ACSS2: variants seen among roughly 807,000 people sequenced by gnomAD.
ACSS2 encodes acyl-CoA synthetase short chain family member 2, also known as acetyl-coenzyme A synthetase, cytoplasmic.
ACSS2 carries 58 observed loss-of-function variants against 90.6 expected under a neutral mutation model. The ratio of observed to expected loss-of-function variants is 0.64; its 90% CI spans 0.52 to 0.80. The LOEUF (loss-of-function observed/expected upper bound fraction) is 0.80. ACSS2 is among the 30% of genes least tolerant of loss of function. The pLI is 0.00. For missense variants in ACSS2, 759 were observed against 912.0 expected, an observed-to-expected ratio of 0.83 and a Z score of 2.16; for synonymous variants, 300 against 330.9, an observed-to-expected ratio of 0.91 and a Z score of 1.01.
At chr20:34,915,203 C>T in intron 7 of ACSS2, 1 of 1,613,950 alleles carries the variant, frequency 6.2e-7, no homozygotes. Flanking sequence ...CCTTTTCATC[C>T]TGGGCTCTTA....
intron 2 of ACSS2, among the ~76,000 whole-genome samples, chr20:34,903,188 A>G (rs373157944): frequency 2.0e-4 from 31 of 152,176 alleles, no homozygotes; most frequent in African/African-American, 7.5e-4. Flanking sequence ...CTAAAAATAC[A>G]AAAATTAGCC....
chr20:34,920,955 A>C (rs760701797), intron 9 of ACSS2, 51 bp from the exon 10 acceptor site: 1 of 1,610,398 alleles, frequency 6.2e-7, no homozygotes, highest in Admixed American at 1.7e-5. Flanking sequence ...TAGGGGGATG[A>C]ATAGAAGGAC....
chr20:34,904,971 A>G (rs1462548102), intron 2 of ACSS2, among the ~76,000 whole-genome samples: 1 of 134,724 alleles, frequency 7.4e-6, no homozygotes, highest in Non-Finnish European at 1.5e-5. Context: ...AGGCTAGAGT[A>G]TAGTAGCATC....
At position 34,913,957 on chromosome 20, in the gene ACSS2, C is replaced by A. The variant is rs147237905; in HGVS notation, c.643+132C>A. On this transcript the variant is annotated intron_variant, in intron 5 of 17. Coordinates refer to ENST00000360596, the MANE Select transcript of ACSS2 (RefSeq NM_018677.4). The stretch of plus-strand genomic sequence containing the variant: ...CCTGCCTTTTCTCTCCTGGTCCCAC[C>A]TCAGCTGACCCTCTGTCAGCTCGAA... 1.2e-5 allele frequency: 16 copies of A among 1,350,684 alleles called. No homozygotes were observed. The African/African-American group carries it at 2.0e-4, about 17-fold the overall frequency. 83.7% of individuals were successfully genotyped at this position (1,350,684 alleles called of 1,614,324 possible).
At chr20:34,882,449 C>T (rs2080090119) in intron 1 of ACSS2, among the ~76,000 whole-genome samples, 1 of 151,934 alleles carries the variant, frequency 6.6e-6, no homozygotes, top group East Asian at 1.9e-4. Flanking sequence ...TAGTGAAACC[C>T]CGTCTCTACT....
intron 1 of ACSS2, among the ~76,000 whole-genome samples, chr20:34,877,923 G>GATAGATAGATAA (rs1397997767): frequency 6.7e-6 from 1 of 150,326 alleles, no homozygotes; most frequent in Non-Finnish European, 1.5e-5. Context: ...TAGATAGATA[G>GATAGATAGATAA]ATAGATAGAT....
chr20:34,892,618 G>A (rs1328750404), intron 2 of ACSS2, among the ~76,000 whole-genome samples: 2 of 152,136 alleles, frequency 1.3e-5, no homozygotes, highest in African/African-American at 4.8e-5. Context: ...AATAAGTCCT[G>A]TGACATAGAT....
chr20:34,879,496 G>GAC (rs11467604), intron 1 of ACSS2, among the ~76,000 whole-genome samples: 4,223 of 147,830 alleles, frequency 0.029, 92 homozygotes, highest in African/African-American at 0.052. Context: ...TCCAGATTCT[G>GAC]ACACACACAC....
intron 7 of ACSS2, among the ~76,000 whole-genome samples, chr20:34,917,840 C>T (rs928331534): frequency 1.3e-5 from 2 of 151,786 alleles, no homozygotes; most frequent in African/African-American, 4.8e-5. Flanking sequence ...GCAACTTCTG[C>T]TTCCTGGTTT....
chr20:34,908,891 T>C, intron 2 of ACSS2: 1 of 429,272 alleles, frequency 2.3e-6, no homozygotes, highest in South Asian at 1.7e-5. Context: ...AGCACACATC[T>C]CTTGAACCAA....
At chr20:34,926,795 G>A in intron 16 of ACSS2, 82 bp from the exon 17 acceptor site, 1 of 1,429,288 alleles carries the variant, frequency 7.0e-7, no homozygotes. Context: ...AAACAGGTGG[G>A]GAACAAAGCC....
intron 7 of ACSS2, among the ~76,000 whole-genome samples, chr20:34,916,557 G>A (rs2081081533): frequency 6.6e-6 from 1 of 152,114 alleles, no homozygotes; most frequent in Admixed American, 6.6e-5. Flanking sequence ...AAGGCTACTG[G>A]ATTTTTGTTT....
intron 14 of ACSS2, among the ~76,000 whole-genome samples, chr20:34,925,298 G>C (rs1034036213): frequency 6.6e-6 from 1 of 152,096 alleles, no homozygotes; most frequent in African/African-American, 2.4e-5. Context: ...ATGCTTACTC[G>C]CATGGTTGTT....
intron 2 of ACSS2, among the ~76,000 whole-genome samples, chr20:34,910,413 C>G (rs1451633095): frequency 2.0e-5 from 3 of 152,174 alleles, no homozygotes; most frequent in Admixed American, 6.5e-5. Context: ...CTTTGAGAGG[C>G]TGAAGCAGTT....
intron 14 of ACSS2, among the ~76,000 whole-genome samples, chr20:34,925,332 C>T (rs2081293703): frequency 6.6e-6 from 1 of 152,148 alleles, no homozygotes; most frequent in Non-Finnish European, 1.5e-5. Context: ...AGTTCCTCAC[C>T]TCACCATAGG....
chr20:34,897,395 A>G (rs549336545), intron 2 of ACSS2, among the ~76,000 whole-genome samples: 21 of 152,278 alleles, frequency 1.4e-4, no homozygotes, highest in Non-Finnish European at 1.0e-4. Context: ...CTAGGCAACC[A>G]CTAATCTACT....
intron 2 of ACSS2, among the ~76,000 whole-genome samples, chr20:34,906,725 G>A (rs2080815445): frequency 6.6e-6 from 1 of 152,156 alleles, no homozygotes; most frequent in African/African-American, 2.4e-5. Flanking sequence ...GCTCACGCCT[G>A]TAATCCCAGC....
At chr20:34,917,723 A>C (rs2081104390) in intron 7 of ACSS2, among the ~76,000 whole-genome samples, 1 of 151,894 alleles carries the variant, frequency 6.6e-6, no homozygotes, top group Non-Finnish European at 1.5e-5. Context: ...CACACTCTTA[A>C]GTTTTTGTGG....
At chr20:34,913,213 CT>C in intron 3 of ACSS2, 26 bp downstream of exon 3, 4 of 1,609,146 alleles carry the variant, frequency 2.5e-6, no homozygotes, top group Non-Finnish European at 2.6e-6. Context: ...TGGGAAAGGA[CT>C]GGGGGTCTGG....
Sources: allele counts gnomAD v4.1 joint callset (sites outside exome capture counted in the v4.1 genomes callset), GRCh38; gene constraint gnomAD v4.1.1; transcripts MANE v1.5; gene names NCBI Gene and HGNC (gene_info 2026-07-23, HGNC 2026-07-21).